Variants in WWOX observed in about 807,000 individuals in gnomAD.
WWOX encodes WW domain-containing oxidoreductase.
In WWOX, 69 loss-of-function variants were observed where a neutral mutation model predicts 46.2. The observed-to-expected ratio is 1.49, with a 90% CI of 1.23 to 1.82. WWOX has a LOEUF of 1.82. WWOX is among the 40% of genes most tolerant of loss of function. The pLI is 0.00. For missense variants in WWOX, 919 were observed against 542.6 expected, an observed-to-expected ratio of 1.69 and a Z score of -6.89; for synonymous variants, 359 against 202.6, an observed-to-expected ratio of 1.77 and a Z score of -6.56.
intron 8 of WWOX, among the ~76,000 whole-genome samples, chr16:79,185,837 C>A (rs931949607): frequency 6.6e-6 from 1 of 152,088 alleles, no homozygotes; most frequent in African/African-American, 2.4e-5. Context: ...AGGGACTCAT[C>A]TGTTTTCTAG....
At chr16:78,479,874 G>A (rs761200667) in intron 8 of WWOX, among the ~76,000 whole-genome samples, 3 of 152,082 alleles carry the variant, frequency 2.0e-5, no homozygotes, top group African/African-American at 7.3e-5. Context: ...TTGACCCAGC[G>A]GGGCTGCATT....
intron 8 of WWOX, among the ~76,000 whole-genome samples, chr16:78,610,289 G>A (rs976615171): frequency 6.6e-6 from 1 of 151,958 alleles, no homozygotes; most frequent in Non-Finnish European, 1.5e-5. Flanking sequence ...GGTTAGATGT[G>A]GCATTTAATT....
intron 8 of WWOX, among the ~76,000 whole-genome samples, chr16:78,990,966 C>A (rs2046876275): frequency 6.6e-6 from 1 of 152,228 alleles, no homozygotes; most frequent in South Asian, 2.1e-4. Flanking sequence ...AGCTTGTCTT[C>A]AGACCAAAAC....
chr16:78,825,528 G>T (rs2051628315), intron 8 of WWOX: 4 of 522,358 alleles, frequency 7.7e-6, no homozygotes, highest in South Asian at 1.4e-5. Context: ...ACAGGGCATT[G>T]TAGAGCTTTA....
chr16:79,184,412 C>T (rs1270843842), intron 8 of WWOX, among the ~76,000 whole-genome samples: 1 of 152,230 alleles, frequency 6.6e-6, no homozygotes, highest in African/African-American at 2.4e-5. Context: ...AATAATCAGT[C>T]ACCATGTAAG....
At chr16:79,081,749 C>T (rs143141986) in intron 8 of WWOX, among the ~76,000 whole-genome samples, 8 of 152,196 alleles carry the variant, frequency 5.3e-5, no homozygotes, top group African/African-American at 1.7e-4. Flanking sequence ...CCATGGCTTG[C>T]GGGGGCTCCT....
intron 8 of WWOX, among the ~76,000 whole-genome samples, chr16:78,778,999 G>C (rs1203119497): frequency 6.6e-6 from 1 of 152,110 alleles, no homozygotes; most frequent in South Asian, 2.1e-4. Flanking sequence ...TCTATTTCAG[G>C]GGATGACCAG....
chr16:78,748,373 T>G (rs2049399169), intron 8 of WWOX, among the ~76,000 whole-genome samples: 1 of 152,222 alleles, frequency 6.6e-6, no homozygotes, highest in Non-Finnish European at 1.5e-5. Flanking sequence ...TGGAAAGTCT[T>G]TCACTCATTT....
At chr16:78,293,716 G>T (rs1449605917) in intron 5 of WWOX, among the ~76,000 whole-genome samples, 1 of 152,058 alleles carries the variant, frequency 6.6e-6, no homozygotes, top group Non-Finnish European at 1.5e-5. Context: ...GGTGCCTCAG[G>T]CCTGTAATCC....
At chr16:78,503,460 A>T (rs61359464) in intron 8 of WWOX, among the ~76,000 whole-genome samples, 10,395 of 146,792 alleles carry the variant, frequency 0.071, 812 homozygotes, top group African/African-American at 0.21. Flanking sequence ...AAAAAAAAAA[A>T]TTTTTTTTTG....
chr16:78,365,775 C>T (rs562531690), intron 5 of WWOX, among the ~76,000 whole-genome samples: 20 of 152,210 alleles, frequency 1.3e-4, no homozygotes, highest in South Asian at 1.0e-3. Context: ...TGTGCTTCTG[C>T]GTGCCCCTCC....
At chr16:78,636,138 C>T (rs779939218) in intron 8 of WWOX, among the ~76,000 whole-genome samples, 3 of 151,960 alleles carry the variant, frequency 2.0e-5, no homozygotes, top group Non-Finnish European at 4.4e-5. Flanking sequence ...GTTTCTGGCT[C>T]CAGTTTAATA....
chr16:79,040,521 C>T (rs1290521556), intron 8 of WWOX, among the ~76,000 whole-genome samples: 2 of 152,112 alleles, frequency 1.3e-5, no homozygotes, highest in African/African-American at 4.8e-5. Flanking sequence ...GGTGATCTAC[C>T]TACCTTGGCC....
intron 5 of WWOX, among the ~76,000 whole-genome samples, chr16:78,363,383 C>T (rs539675783): frequency 3.3e-5 from 5 of 151,932 alleles, no homozygotes; most frequent in South Asian, 2.1e-4. Context: ...CAGTGATTTT[C>T]CTTTCTCAGA....
intron 8 of WWOX, among the ~76,000 whole-genome samples, chr16:78,951,478 C>G (rs1460600633): frequency 6.8e-6 from 1 of 147,728 alleles, no homozygotes; most frequent in African/African-American, 2.5e-5. Flanking sequence ...CCCCTTGATC[C>G]ACACCATATA....
chr16:78,848,229 T>G (rs1426500396), intron 8 of WWOX, among the ~76,000 whole-genome samples: 1 of 152,220 alleles, frequency 6.6e-6, no homozygotes, highest in Non-Finnish European at 1.5e-5. Flanking sequence ...GGAAAACAAG[T>G]AAGAGTAACT....
chr16:78,126,598 T>C (rs1395151249), intron 4 of WWOX, among the ~76,000 whole-genome samples: 2 of 152,188 alleles, frequency 1.3e-5, no homozygotes, highest in East Asian at 1.9e-4. Flanking sequence ...TAGAAGTTAA[T>C]TTATAAAGTG....
intron 8 of WWOX, among the ~76,000 whole-genome samples, chr16:79,042,079 G>A (rs1443798678): frequency 6.6e-6 from 1 of 152,082 alleles, no homozygotes; most frequent in Admixed American, 6.5e-5. Flanking sequence ...TAGCTACCAT[G>A]TTCCAGGTGC....
chr16:78,344,666 C>G (rs1201888006), intron 5 of WWOX, among the ~76,000 whole-genome samples: 1 of 121,440 alleles, frequency 8.2e-6, no homozygotes, highest in Non-Finnish European at 2.0e-5. Flanking sequence ...GTGCTGGGCA[C>G]TTAGCTGGTT....
Sources: allele counts gnomAD v4.1 joint callset (sites outside exome capture counted in the v4.1 genomes callset), GRCh38; gene constraint gnomAD v4.1.1; transcripts MANE v1.5; gene names NCBI Gene and HGNC (gene_info 2026-07-23, HGNC 2026-07-21).